RAB5C: variants seen among roughly 807,000 people sequenced by gnomAD.
RAB5C encodes the protein RAB5C, member RAS oncogene family, also known as ras-related protein Rab-5C.
Under a neutral mutation model 25.2 loss-of-function variants are expected in RAB5C, and 4 were observed. The ratio of observed to expected loss-of-function variants is 0.16; its 90% CI spans 0.08 to 0.36. The LOEUF (loss-of-function observed/expected upper bound fraction) is 0.36, where lower values mean the gene tolerates loss of function less well. Ranked by LOEUF, RAB5C falls within the 10% of genes least tolerant of loss-of-function variation. The pLI, the probability that RAB5C is intolerant of heterozygous loss-of-function variation, is 1.00. For synonymous variants in RAB5C, 100 were observed against 106.4 expected (o/e 0.94, Z 0.37); for missense variants, 199 against 283.8 (o/e 0.70, Z 2.15).
chr17:42,133,456 C>T (rs1265238361), intron 1 of RAB5C, among the ~76,000 whole-genome samples: 2 of 152,240 alleles, frequency 1.3e-5, no homozygotes, highest in African/African-American at 4.8e-5. Flanking sequence ...TTTTTAAAAA[C>T]AAGCCAGAAG....
chr17:42,153,965 G>A (rs2079688986), intron 1 of RAB5C, among the ~76,000 whole-genome samples: 2 of 152,168 alleles, frequency 1.3e-5, no homozygotes, highest in Admixed American at 6.5e-5. Flanking sequence ...GGAGGTGTAT[G>A]TGTGTGTGTT....
At chr17:42,144,909 G>C in intron 1 of RAB5C, among the ~76,000 whole-genome samples, 1 of 91,784 alleles carries the variant, frequency 1.1e-5, no homozygotes, top group East Asian at 3.6e-4. Flanking sequence ...CTGGGCGACA[G>C]AGCCAGACTC....
At chr17:42,152,307 G>C (rs953743721) in intron 1 of RAB5C, among the ~76,000 whole-genome samples, 1 of 152,180 alleles carries the variant, frequency 6.6e-6, no homozygotes, top group Non-Finnish European at 1.5e-5. Flanking sequence ...CAAGAGGGCA[G>C]GGGAGGAACA....
At chr17:42,145,015 A>T (rs75764853) in intron 1 of RAB5C, among the ~76,000 whole-genome samples, 2 of 140,628 alleles carry the variant, frequency 1.4e-5, no homozygotes, top group Non-Finnish European at 3.1e-5. Context: ...ATACAAAAAA[A>T]TTAGCCGGGT....
intron 1 of RAB5C, chr17:42,154,624 G>A (rs115949221): frequency 0.034 from 5,197 of 152,370 alleles, 213 homozygotes; most frequent in African/African-American, 0.097. Context: ...CAGGGGGAGC[G>A]GAACTTAGGG....
At chr17:42,144,954 A>C (rs2079624585) in intron 1 of RAB5C, among the ~76,000 whole-genome samples, 2 of 39,762 alleles carry the variant, frequency 5.0e-5, no homozygotes, top group African/African-American at 3.4e-4. Context: ...AAAAAAAAAA[A>C]AAAAAAAAAA....
At chr17:42,142,096 G>A (rs1030217499) in intron 1 of RAB5C, among the ~76,000 whole-genome samples, 11 of 151,698 alleles carry the variant, frequency 7.3e-5, no homozygotes, top group Non-Finnish European at 1.6e-4. Flanking sequence ...AAAATGGAGG[G>A]GAGAAACCAT....
intron 1 of RAB5C, chr17:42,131,920 A>G (rs577501939): frequency 2.3e-4 from 70 of 300,996 alleles, no homozygotes; most frequent in Non-Finnish European, 3.8e-4. Context: ...TCCTGTGAGT[A>G]GGTATTAAGT....
chr17:42,145,325 G>A (rs116047874), intron 1 of RAB5C, among the ~76,000 whole-genome samples: 1,844 of 152,304 alleles, frequency 0.012, 47 homozygotes, highest in African/African-American at 0.042. Flanking sequence ...AGGGGAAGGG[G>A]AGAACAACTT....
intron 1 of RAB5C, among the ~76,000 whole-genome samples, chr17:42,154,313 C>T (rs1210817862): frequency 6.6e-6 from 1 of 152,092 alleles, no homozygotes; most frequent in African/African-American, 2.4e-5. Context: ...AGGAAAACAG[C>T]TCATTTCTAG....
chr17:42,128,167 T>C, intron 4 of RAB5C, 94 bp downstream of exon 4: 1 of 1,500,648 alleles, frequency 6.7e-7, no homozygotes, highest in South Asian at 1.3e-5. Context: ...TGTTGCCTCC[T>C]AGCATGGCCC....
intron 1 of RAB5C, among the ~76,000 whole-genome samples, chr17:42,146,453 A>C (rs991506922): frequency 2.6e-5 from 4 of 152,110 alleles, no homozygotes; most frequent in Admixed American, 6.6e-5. Context: ...CCGTCTCTAC[A>C]AAAAAATCAA....
intron 1 of RAB5C, among the ~76,000 whole-genome samples, chr17:42,154,407 A>C (rs2079692908): frequency 6.6e-6 from 1 of 152,146 alleles, no homozygotes; most frequent in Non-Finnish European, 1.5e-5. Context: ...GGGAGCGCAC[A>C]CACACTTCTG....
chr17:42,135,187 G>A (rs1265808771), intron 1 of RAB5C, among the ~76,000 whole-genome samples: 1 of 151,360 alleles, frequency 6.6e-6, no homozygotes, highest in African/African-American at 2.4e-5. Flanking sequence ...GTTTTACCAC[G>A]CTGGCCAGGC....
intron 1 of RAB5C, among the ~76,000 whole-genome samples, chr17:42,133,214 C>T (rs1027448081): frequency 6.6e-6 from 1 of 152,158 alleles, no homozygotes; most frequent in African/African-American, 2.4e-5. Context: ...ATCCACGTGA[C>T]ACAGAGTCTT....
intron 1 of RAB5C, among the ~76,000 whole-genome samples, chr17:42,131,172 C>T (rs560147513): frequency 6.6e-6 from 1 of 152,246 alleles, no homozygotes; most frequent in Admixed American, 6.5e-5. Context: ...TTAACATAGC[C>T]ATTTTTCTCC....
intron 1 of RAB5C, among the ~76,000 whole-genome samples, chr17:42,153,203 G>C (rs1255456269): frequency 6.6e-6 from 1 of 152,150 alleles, no homozygotes; most frequent in African/African-American, 2.4e-5. Context: ...ATCACCTGAA[G>C]TCAGGAGTTC....
chr17:42,137,188 C>T (rs2054545348), intron 1 of RAB5C, among the ~76,000 whole-genome samples: 1 of 151,926 alleles, frequency 6.6e-6, no homozygotes. Context: ...CACCTGTAAT[C>T]CCAGCTACTT....
At chr17:42,128,170 C>G in intron 4 of RAB5C, 91 bp downstream of exon 4, 1 of 1,514,608 alleles carries the variant, frequency 6.6e-7, no homozygotes, top group South Asian at 1.3e-5. Flanking sequence ...TGCCTCCTAG[C>G]ATGGCCCTTC....
Sources: allele counts gnomAD v4.1 joint callset (sites outside exome capture counted in the v4.1 genomes callset), GRCh38; gene constraint gnomAD v4.1.1; transcripts MANE v1.5; gene names NCBI Gene and HGNC (gene_info 2026-07-23, HGNC 2026-07-21).